The following ADD1 variants were observed in gnomAD, a reference collection of about 807,000 sequenced individuals.
ADD1 encodes the protein alpha-adducin.
A neutral mutation model predicts 80.5 loss-of-function variants in ADD1; 24 were observed. The ratio of observed to expected loss-of-function variants is 0.30; its 90% CI spans 0.22 to 0.42. The LOEUF is 0.42. ADD1 is among the 10% of genes least tolerant of loss of function. The pLI is 1.00. For synonymous variants in ADD1, 373 were observed against 393.8 expected, an observed-to-expected ratio of 0.95 and a Z score of 0.63; for missense variants, 948 against 1,019.0, an observed-to-expected ratio of 0.93 and a Z score of 0.95.
intron 1 of ADD1, among the ~76,000 whole-genome samples, chr4:2,862,612 G>C (rs1728969673): frequency 6.6e-6 from 1 of 152,108 alleles, no homozygotes; most frequent in African/African-American, 2.4e-5. Flanking sequence ...CTGTTTGTCT[G>C]TGAGTCCTTC....
intron 2 of ADD1, among the ~76,000 whole-genome samples, chr4:2,880,601 G>A (rs893305024): frequency 3.4e-5 from 5 of 147,402 alleles, no homozygotes; most frequent in Non-Finnish European, 4.5e-5. Context: ...TCAGCCTCCC[G>A]AGTAGCTGGG....
At chr4:2,922,553 C>T (rs959498872) in intron 14 of ADD1, among the ~76,000 whole-genome samples, 1 of 152,186 alleles carries the variant, frequency 6.6e-6, no homozygotes, top group African/African-American at 2.4e-5. Context: ...AGCTGGAGCT[C>T]TCCTATATGA....
chr4:2,860,462 C>T (rs776819955), intron 1 of ADD1, among the ~76,000 whole-genome samples: 1 of 152,130 alleles, frequency 6.6e-6, no homozygotes, highest in Non-Finnish European at 1.5e-5. Flanking sequence ...TTCAGTCGGA[C>T]GTCAGTTGTG....
At chr4:2,914,058 C>CAAAAAAAAAAAA (rs775339952) in intron 13 of ADD1, among the ~76,000 whole-genome samples, 2 of 120,574 alleles carry the variant, frequency 1.7e-5, no homozygotes, top group African/African-American at 3.1e-5. Context: ...GACTCCGTCT[C>CAAAAAAAAAAAA]AAAAAAAAAA....
chr4:2,908,789 G>A (rs1737496977), intron 12 of ADD1, 185 bp downstream of exon 12: 1 of 608,254 alleles, frequency 1.6e-6, no homozygotes, highest in Non-Finnish European at 2.9e-6. Flanking sequence ...GAAGGAGCGA[G>A]CATGCTGAGG....
At chr4:2,893,938 G>A (rs1020204863) in intron 4 of ADD1, 75 bp from the exon 5 acceptor site, 37 of 1,385,398 alleles carry the variant, frequency 2.7e-5, no homozygotes, top group East Asian at 1.4e-4. Flanking sequence ...GAACAAACCC[G>A]TGAATTTGTA....
intron 4 of ADD1, among the ~76,000 whole-genome samples, chr4:2,885,644 C>G (rs1161710425): frequency 6.6e-6 from 1 of 151,106 alleles, no homozygotes; most frequent in Non-Finnish European, 1.5e-5. Context: ...GAGACTTGCT[C>G]TGTTGCCCAG....
intron 14 of ADD1, among the ~76,000 whole-genome samples, chr4:2,922,699 A>G (rs922115507): frequency 3.3e-5 from 5 of 152,236 alleles, no homozygotes. Flanking sequence ...CTTCAGAGCC[A>G]GCAGGTAGTA....
rs1170617573 is a variant in ADD1 at position 2,926,692 on chromosome 4, C to T, written c.2047+580C>T. 1.1e-5 allele frequency: 17 copies of T among 1,612,618 alleles called. No homozygotes were observed. Among genetic ancestry groups the T allele is most frequent in the Admixed American group, 1.7e-5 (1 of 59,948 alleles). On this transcript the variant is annotated intron_variant, in intron 15 of 15. Coordinates refer to ENST00000683351, the MANE Select transcript of ADD1 (RefSeq NM_001354761.2). This position sits in a 1 kb window ranked among gnomAD's most constrained non-coding sequence, Gnocchi z 5.0. ...GTTACCCTAGTAAGTACCGTGCTGC[C>T]TCCGCTCTCCACCGGTGCCCTGCGC...
intron 1 of ADD1, chr4:2,853,108 T>G (rs892068183): frequency 7.3e-6 from 1 of 136,118 alleles, no homozygotes; most frequent in Non-Finnish European, 1.6e-5. Context: ...GGTCACTTAC[T>G]TTTTTTTTTT....
In ADD1 at chr4:2,928,173, C is replaced by A. The variant is rs772281377; in HGVS notation, c.2050C>A (p.Leu684Ile). Reference sequence around the variant, plus strand: ...CCATCTCTCACCTCACCCACTAGACCTTGTGCCGGAGCCGACTACTGGAGA... The same window carrying A: ...CCATCTCTCACCTCACCCACTAGACATTGTGCCGGAGCCGACTACTGGAGA... ...PSTPIKLEED[L>I]VPEPTTGDDS... The change falls in exon 16 of 16, where the codon CTT becomes ATT. Residue 684 changes from leucine (L) to isoleucine (I), a missense_variant and splice_region_variant. Physicochemically the swap from Leu to Ile is conservative, Grantham distance 5. Coordinates refer to ENST00000683351, the MANE Select transcript of ADD1 (RefSeq NM_001354761.2). The A allele has an allele frequency of 2.5e-6, 4 of 1,613,878 alleles. No individual in the cohort carries two copies. The African/African-American group carries it at 4.0e-5, about 16-fold the overall frequency.
Position 2,907,586 on chromosome 4 carries a change from G to A in ADD1, c.1507-157G>A, listed in dbSNP as rs114448574. 3.3e-4 allele frequency: 215 copies of A among 647,526 alleles called. 2 individuals carry two copies. In the African/African-American group the frequency reaches 3.6e-3, roughly 11 times the overall value. 40.1% of individuals were successfully genotyped at this position (647,526 alleles called of 1,614,324 possible). On this transcript the variant is annotated intron_variant, in intron 10 of 15. Transcript: ENST00000683351. ...TGTGGCTGCATCCTGCTCCCATGGC[G>A]ACTCTGCTGAGTGACCCAGATTAGA...
chr4:2,902,190 A>C (rs1442964403), intron 9 of ADD1: 1 of 152,224 alleles, frequency 6.6e-6, no homozygotes, highest in Non-Finnish European at 1.5e-5. Context: ...GATGTTGATG[A>C]GTCCTGGGTG....
intron 1 of ADD1, among the ~76,000 whole-genome samples, chr4:2,849,161 C>T (rs1269782370): frequency 6.6e-6 from 1 of 152,124 alleles, no homozygotes; most frequent in African/African-American, 2.4e-5. Context: ...TAACAATAGT[C>T]CCTATCTTAC....
chr4:2,853,409 T>C (rs1273003902), intron 1 of ADD1, among the ~76,000 whole-genome samples: 1 of 152,130 alleles, frequency 6.6e-6, no homozygotes, highest in Non-Finnish European at 1.5e-5. Flanking sequence ...CGTCTTTTTC[T>C]AGTATAAGTG....
chr4:2,858,302 T>C (rs766480207), intron 1 of ADD1, among the ~76,000 whole-genome samples: 1 of 152,242 alleles, frequency 6.6e-6, no homozygotes, highest in East Asian at 1.9e-4. Context: ...CTGTTTACTA[T>C]GTACCTTGTG....
chr4:2,908,513 A>G lies in ADD1; in HGVS notation c.1609-2A>G, dbSNP rs751292883. ...ATGTGTGCCTCTCCTTCCCACCCTC[A>G]GATCCGAGAGCAGAATTTACAGGAC... On this transcript the variant is annotated splice_acceptor_variant, in intron 11 of 15. Coordinates refer to ENST00000683351, the MANE Select transcript of ADD1 (RefSeq NM_001354761.2). LOFTEE classifies it high-confidence loss of function. The G allele has an allele frequency of 6.2e-7, 1 of 1,613,960 alleles. No individual in the cohort carries two copies.
chr4:2,928,110 C>G, intron 15 of ADD1, 61 bp from the exon 16 acceptor site: 1 of 1,475,326 alleles, frequency 6.8e-7, no homozygotes, highest in East Asian at 2.3e-5. Flanking sequence ...TCCCCCATCT[C>G]AAGCTGCCCT....
chr4:2,870,890 A>C (rs1730319869), intron 1 of ADD1, among the ~76,000 whole-genome samples: 1 of 151,944 alleles, frequency 6.6e-6, no homozygotes, highest in African/African-American at 2.4e-5. Context: ...AAAACAAAGT[A>C]AGTAGTTTGT....
Sources: gnomAD v4.1 joint callset for allele counts (sites outside exome capture counted in the v4.1 genomes callset) on GRCh38, gnomAD v4.1.1 for gene constraint, Gnocchi (gnomAD v3.1) non-coding constraint, MANE v1.5 for transcripts, NCBI Gene and HGNC (gene_info 2026-07-23, HGNC 2026-07-21) for gene names.